The following CAST variants were observed in gnomAD, a reference collection of about 807,000 sequenced individuals.
The protein encoded by CAST is calpastatin.
In CAST, 76 loss-of-function variants were observed where a neutral mutation model predicts 119.6. The observed-to-expected ratio is 0.64, with a 90% CI of 0.53 to 0.77. CAST has a LOEUF of 0.77. Among genes scored for constraint, CAST ranks in the 30% least tolerant of loss-of-function variants. CAST has a pLI of 0.00. For missense variants in CAST, 953 were observed against 946.5 expected (o/e 1.01, Z -0.09); for synonymous variants, 319 against 331.6 (o/e 0.96, Z 0.41).
At chr5:96,131,962 G>A in the CAST span, among the ~76,000 whole-genome samples, 1 of 151,992 alleles carries the variant, frequency 6.6e-6, no homozygotes, top group South Asian at 2.1e-4. Context: ...AAACCCAACT[G>A]GATAAGTCTA....
chr5:96,343,037 T>G, the CAST span, among the ~76,000 whole-genome samples: 8 of 152,222 alleles, frequency 5.3e-5, no homozygotes, highest in Non-Finnish European at 1.2e-4. Context: ...AATATTTTGT[T>G]TCTAGAAGAA....
the CAST span, among the ~76,000 whole-genome samples, chr5:96,426,734 C>A: frequency 6.6e-6 from 1 of 152,280 alleles, no homozygotes; most frequent in South Asian, 2.1e-4. Context: ...CACATCTTTT[C>A]TGCTGTATGC....
At chr5:96,431,183 T>A in the CAST span, among the ~76,000 whole-genome samples, 1 of 152,174 alleles carries the variant, frequency 6.6e-6, no homozygotes, top group Non-Finnish European at 1.5e-5. Context: ...ACTCATACCC[T>A]CTTTGGGTCT....
chr5:96,159,999 G>A, the CAST span, among the ~76,000 whole-genome samples: 1 of 151,752 alleles, frequency 6.6e-6, no homozygotes, highest in Non-Finnish European at 1.5e-5. Context: ...AATTAGCCGG[G>A]CATGGTGGCA....
At chr5:96,492,164 A>G in the CAST span, among the ~76,000 whole-genome samples, 2 of 152,194 alleles carry the variant, frequency 1.3e-5, no homozygotes, top group Admixed American at 1.3e-4. Context: ...AAAATAATTC[A>G]CCTTTTAAAA....
chr5:96,350,080 A>C, the CAST span, among the ~76,000 whole-genome samples: 7 of 152,208 alleles, frequency 4.6e-5, no homozygotes, highest in Non-Finnish European at 5.9e-5. Flanking sequence ...AGTGTCTGCG[A>C]CAGGTCTCAA....
intron 1 of CAST, among the ~76,000 whole-genome samples, chr5:96,531,165 T>C (rs995559226): frequency 3.3e-5 from 5 of 152,154 alleles, no homozygotes; most frequent in Non-Finnish European, 7.3e-5. Context: ...AATGGCTTCA[T>C]GTCAATGATT....
At chr5:96,744,541 T>C (rs1049187989) in intron 16 of CAST, among the ~76,000 whole-genome samples, 1 of 152,228 alleles carries the variant, frequency 6.6e-6, no homozygotes, top group African/African-American at 2.4e-5. Context: ...TTATGGGAGC[T>C]ACAATTCAAG....
At chr5:95,961,819 G>A in the CAST span, 61 of 1,420,514 alleles carry the variant, frequency 4.3e-5, no homozygotes, top group Non-Finnish European at 5.4e-5. Context: ...CCACTGCTAG[G>A]GCCATCCCGC....
the CAST span, among the ~76,000 whole-genome samples, chr5:96,266,254 T>C: frequency 6.6e-6 from 1 of 152,114 alleles, no homozygotes; most frequent in Admixed American, 6.6e-5. Context: ...ACAAGAGTGA[T>C]TAAAAATTTC....
At chr5:96,432,967 TTGCACTGTTCAGTG>T in the CAST span, 1 of 1,614,138 alleles carries the variant, frequency 6.2e-7, no homozygotes, top group South Asian at 1.1e-5. Flanking sequence ...CTTTTCGCTT[TTGCACTGTTCAGTG>T]CACACCAAGC....
chr5:96,354,216 C>T, the CAST span, among the ~76,000 whole-genome samples: 1 of 152,290 alleles, frequency 6.6e-6, no homozygotes. Flanking sequence ...CAATCTTATC[C>T]TCCTAGTGAT....
the CAST span, chr5:96,411,023 A>G: frequency 1.4e-6 from 2 of 1,423,836 alleles, no homozygotes; most frequent in South Asian, 1.1e-5. Flanking sequence ...ATCTGTTATC[A>G]TCTATTGGGG....
the CAST span, among the ~76,000 whole-genome samples, chr5:96,198,756 G>A: frequency 2.6e-5 from 4 of 152,172 alleles, no homozygotes; most frequent in Admixed American, 6.5e-5. Context: ...GGGCTCAGAC[G>A]TGGAGTGAGG....
the CAST span, among the ~76,000 whole-genome samples, chr5:96,445,622 T>C: frequency 6.6e-6 from 1 of 152,172 alleles, no homozygotes; most frequent in Non-Finnish European, 1.5e-5. Flanking sequence ...CTCTTCTATT[T>C]TGGGAGCATG....
chr5:96,363,267 A>G, the CAST span, among the ~76,000 whole-genome samples: 711 of 147,906 alleles, frequency 4.8e-3, 4 homozygotes, highest in African/African-American at 0.016. Flanking sequence ...GTCAGGTAGT[A>G]TGGTGCCTCC....
At chr5:96,299,106 G>A in the CAST span, among the ~76,000 whole-genome samples, 8 of 151,894 alleles carry the variant, frequency 5.3e-5, no homozygotes, top group South Asian at 2.1e-4. Flanking sequence ...TTGGCTGGGC[G>A]TGGTGGTGGG....
the CAST span, among the ~76,000 whole-genome samples, chr5:96,410,137 GT>G: frequency 2.6e-5 from 4 of 151,982 alleles, no homozygotes; most frequent in African/African-American, 9.7e-5. Context: ...CCCCTCCATC[GT>G]CATGCCCTTG....
the CAST span, among the ~76,000 whole-genome samples, chr5:96,212,691 A>G: frequency 6.6e-6 from 1 of 152,174 alleles, no homozygotes; most frequent in Non-Finnish European, 1.5e-5. Flanking sequence ...GAAGTTTACA[A>G]CTGTAATTGT....
Sources: allele counts gnomAD v4.1 joint callset (sites outside exome capture counted in the v4.1 genomes callset), GRCh38; gene constraint gnomAD v4.1.1; transcripts MANE v1.5; gene names NCBI Gene and HGNC (gene_info 2026-07-23, HGNC 2026-07-21).